The following SLF2 variants were observed in gnomAD, a reference collection of about 807,000 sequenced individuals.
SLF2 encodes the protein SMC5/6 complex localization factor 2, also known as SMC5-SMC6 complex localization factor protein 2.
SLF2 carries 68 observed loss-of-function variants against 124.3 expected under a neutral mutation model. That is an observed-to-expected ratio of 0.55 (90% CI 0.45 to 0.67). SLF2 has a LOEUF of 0.67. Ranked by LOEUF, SLF2 falls within the 30% of genes least tolerant of loss-of-function variation. The pLI, the probability that SLF2 is intolerant of heterozygous loss-of-function variation, is 0.00. For synonymous variants in SLF2, 480 were observed against 478.8 expected (o/e 1.00, Z -0.03); for missense variants, 1,246 against 1,373.7 (o/e 0.91, Z 1.47).
chr10:100,937,253 C>A lies in SLF2; in HGVS notation c.2437-149C>A, dbSNP rs576605151. ...CTCAAACTCCTAAGCTCAAGGTATCCGCCCGCCTTAGCCTCACAAAGTGCT... is the reference window on the plus strand; with the variant it reads ...CTCAAACTCCTAAGCTCAAGGTATCAGCCCGCCTTAGCCTCACAAAGTGCT... On this transcript the variant is annotated intron_variant, in intron 9 of 19. Coordinates refer to ENST00000238961, the MANE Select transcript of SLF2 (RefSeq NM_018121.4). The A allele has an allele frequency of 1.0e-5, 7 of 668,206 alleles. No homozygotes were observed. The African/African-American group carries it at 1.3e-4, about 12-fold the overall frequency. 41.4% of individuals were successfully genotyped at this position (668,206 alleles called of 1,614,324 possible).
At chr10:100,941,843 T>C (rs1201200650) in intron 11 of SLF2, among the ~76,000 whole-genome samples, 1 of 152,072 alleles carries the variant, frequency 6.6e-6, no homozygotes, top group Non-Finnish European at 1.5e-5. Flanking sequence ...CACGGAGAGG[T>C]TAAGTAACTT....
chr10:100,944,370 C>T (rs1296482024), intron 12 of SLF2, among the ~76,000 whole-genome samples: 1 of 151,632 alleles, frequency 6.6e-6, no homozygotes, highest in Non-Finnish European at 1.5e-5. Context: ...CAGCGGGTAC[C>T]TGTAGTCCCA....
intron 17 of SLF2, among the ~76,000 whole-genome samples, chr10:100,955,933 G>C (rs1481721556): frequency 6.6e-6 from 1 of 151,704 alleles, no homozygotes; most frequent in African/African-American, 2.4e-5. Flanking sequence ...ACTGGGCACG[G>C]TGGTGCATGC....
At position 100,913,831 on chromosome 10, in the gene SLF2, A is replaced by T. The variant is rs1347346266; in HGVS notation, c.140+581A>T. The T allele has an allele frequency of 5.1e-6, 5 of 985,496 alleles. No homozygotes were observed. In the East Asian group the frequency reaches 4.5e-4, roughly 89 times the overall value. The allele number at this position is 985,496 out of a possible 1,614,324, so 61.0% of individuals were successfully genotyped here. The stretch of plus-strand genomic sequence containing the variant: ...GATTTTGTGGGAGCTATGTAATGAG[A>T]TGGGGAGTTTCATCTAATGACATCC... On this transcript the variant is annotated intron_variant, in intron 1 of 19. Transcript: ENST00000238961.
rs71013477 is a variant in SLF2 at position 100,957,330 on chromosome 10, ATTTTTTTTTTTTTTTTTTT to A, written c.3417+812_3417+830del. ...AATATGTTAAAGGAAGGAGTCTTCA[ATTTTTTTTTTTTTTTTTTT>A]TTTTTTTTTTTTTTTTTTGAGATGG... On this transcript the variant is annotated intron_variant, in intron 18 of 19. Coordinates refer to ENST00000238961, the MANE Select transcript of SLF2 (RefSeq NM_018121.4). Among the ~76,000 whole-genome samples, 210 of 91,854 alleles carry A rather than the reference ATTTTTTTTTTTTTTTTTTT, an allele frequency of 2.3e-3. 16 individuals are homozygous for A. Among genetic ancestry groups the A allele is most frequent in the Admixed American group, 3.1e-3 (29 of 9,216 alleles). The allele number at this position is 91,854 out of a possible 152,430, so 60.3% of individuals were successfully genotyped here.
intron 15 of SLF2, among the ~76,000 whole-genome samples, chr10:100,948,280 C>A (rs545081000): frequency 6.6e-6 from 1 of 151,978 alleles, no homozygotes; most frequent in Non-Finnish European, 1.5e-5. Context: ...ATGTAGTTGC[C>A]CTCTAGTACT....
chr10:100,949,292 C>G (rs1850165620), intron 15 of SLF2, among the ~76,000 whole-genome samples: 1 of 152,200 alleles, frequency 6.6e-6, no homozygotes, highest in Non-Finnish European at 1.5e-5. Context: ...TTTCTCCTAA[C>G]TTTTGTTGTT....
chr10:100,954,650 GA>G (rs555072878), intron 17 of SLF2, among the ~76,000 whole-genome samples: 1 of 150,528 alleles, frequency 6.6e-6, no homozygotes, highest in Non-Finnish European at 1.5e-5. Context: ...TGTTCCTATA[GA>G]AAAAAAAATA....
chr10:100,923,637 G>A (rs1358638930), intron 4 of SLF2, among the ~76,000 whole-genome samples: 10 of 151,944 alleles, frequency 6.6e-5, no homozygotes, highest in Admixed American at 5.9e-4. Flanking sequence ...GTAGTCCTAG[G>A]TCTAAAAGAA....
chr10:100,932,958 T>C (rs553352787), intron 9 of SLF2, among the ~76,000 whole-genome samples: 1 of 152,160 alleles, frequency 6.6e-6, no homozygotes, highest in Non-Finnish European at 1.5e-5. Flanking sequence ...CGTGGACACA[T>C]GCTCCAGATA....
At position 100,924,761 on chromosome 10, in the gene SLF2, A is replaced by T. The variant is rs774938985; in HGVS notation, c.1760A>T (p.Asn587Ile). 13 of 1,614,176 alleles carry T rather than the reference A, an allele frequency of 8.1e-6. No individual in the cohort carries two copies. The East Asian group carries it at 2.9e-4, about 36-fold the overall frequency. The change falls in exon 5 of 20, where the codon AAT becomes ATT. Residue 587 changes from asparagine (N) to isoleucine (I), a missense_variant. Around this residue, in one of 3 missense-constraint regions of SLF2, gnomAD observed 698 missense variants for 708.9 expected, o/e 0.98. Coordinates refer to ENST00000238961, the MANE Select transcript of SLF2 (RefSeq NM_018121.4). ...PSEGESSGNSNAGSSALKRKL... is the reference protein window; with the variant it reads ...PSEGESSGNSIAGSSALKRKL... ...GAAGGAGAGAGTTCAGGAAATTCCA[A>T]TGCAGGTAGCAGTGCACTGAAAAGA... is the stretch of plus-strand genomic sequence containing the variant.
intron 13 of SLF2, among the ~76,000 whole-genome samples, chr10:100,946,336 T>C (rs1850102879): frequency 6.6e-6 from 1 of 151,080 alleles, no homozygotes; most frequent in Admixed American, 6.6e-5. Flanking sequence ...TTTTTTTTTT[T>C]TTTTTTTCTG....
Position 100,917,098 on chromosome 10 carries a change from T to C in SLF2, c.713T>C (p.Leu238Ser). 6.2e-7 allele frequency: 1 copy of C among 1,614,174 alleles called. No homozygotes were observed. The highest frequency in any genetic ancestry group is 8.5e-7 in the Non-Finnish European group (1 of 1,180,022). Reference sequence around the variant, plus strand: ...AGCCCACTGGGAGCTAAATTCCAGTTGTCACTAGCTTCTTACTGCAGAGAA... The same window carrying C: ...AGCCCACTGGGAGCTAAATTCCAGTCGTCACTAGCTTCTTACTGCAGAGAA... ...EESPLGAKFQ[L>S]SLASYCRERE... The change falls in exon 3 of 20, where the codon TTG (leucine) becomes TCG (serine). Residue 238 changes from leucine (L) to serine (S), a missense_variant. By Grantham distance (145) the Leu-to-Ser change is moderately radical (BLOSUM62 -2). Around this residue, in one of 3 missense-constraint regions of SLF2, gnomAD observed 698 missense variants for 708.9 expected, o/e 0.98. Transcript: ENST00000238961.
At chr10:100,938,778 G>A (rs780789095) in intron 11 of SLF2, 42 bp downstream of exon 11, 14 of 1,534,940 alleles carry the variant, frequency 9.1e-6, no homozygotes, top group South Asian at 5.0e-5. Context: ...ATATCATTTC[G>A]TACGACTTAT....
At position 100,924,470 on chromosome 10, in the gene SLF2, A is replaced by G; in HGVS notation, c.1469A>G (p.Asn490Ser). 1 of 1,614,170 alleles carries G rather than the reference A, an allele frequency of 6.2e-7. No individual in the cohort carries two copies. Among genetic ancestry groups the G allele is most frequent in the South Asian group, 1.1e-5 (1 of 91,088 alleles). Reference protein sequence around the residue: ...PSAGSSLVPLNAKNCALPVSK... With the variant: ...PSAGSSLVPLSAKNCALPVSK... ...GCTGGTTCCTCTCTAGTACCATTAA[A>G]TGCTAAAAATTGTGCTCTTCCAGTT... The change falls in exon 5 of 20, where the codon AAT (asparagine) becomes AGT (serine). Residue 490 changes from asparagine (N) to serine (S), a missense_variant. Physicochemically the swap from Asn to Ser is conservative, Grantham distance 46. This residue lies in a region of SLF2 where 698 missense variants were observed against 708.9 expected (regional missense o/e 0.98). Transcript: ENST00000238961.
chr10:100,943,415 A>G (rs1850017292), intron 11 of SLF2, among the ~76,000 whole-genome samples: 1 of 152,256 alleles, frequency 6.6e-6, no homozygotes, highest in African/African-American at 2.4e-5. Flanking sequence ...GCAGTTTATC[A>G]CAGCATACTG....
chr10:100,916,863 G>C lies in SLF2; in HGVS notation c.478G>C (p.Glu160Gln). 2 of 1,614,144 alleles carry C rather than the reference G, an allele frequency of 1.2e-6. No homozygotes were observed. The highest frequency in any genetic ancestry group is 1.7e-6 in the Non-Finnish European group (2 of 1,180,034). The change falls in exon 3 of 20, where the codon GAG becomes CAG. Residue 160 changes from glutamate to glutamine, a missense_variant. Glu to Gln is a conservative substitution (Grantham distance 29). Coordinates refer to ENST00000238961, the MANE Select transcript of SLF2 (RefSeq NM_018121.4). ...YVPSSYHLPK[E>Q]MKSLKKKHRS... ...TCCTTCTTCATATCACTTGCCAAAGGAGATGAAGTCACTAAAGAAAAAACA... is the reference window on the plus strand; with the variant it reads ...TCCTTCTTCATATCACTTGCCAAAGCAGATGAAGTCACTAAAGAAAAAACA...
intron 17 of SLF2, among the ~76,000 whole-genome samples, chr10:100,951,833 A>G (rs1850219179): frequency 2.0e-5 from 3 of 152,248 alleles, no homozygotes; most frequent in Admixed American, 6.5e-5. Context: ...TGCTTTGGAA[A>G]TGCATTTCTA....
chr10:100,945,689 A>T (rs1273370121), intron 13 of SLF2, among the ~76,000 whole-genome samples, 183 bp downstream of exon 13: 1 of 152,166 alleles, frequency 6.6e-6, no homozygotes, highest in Non-Finnish European at 1.5e-5. Context: ...TTTTTCTAAA[A>T]CTTCAACTCT....
Sources: gnomAD v4.1 joint callset for allele counts (sites outside exome capture counted in the v4.1 genomes callset) on GRCh38, gnomAD v4.1.1 for gene constraint, gnomAD v4.1.1 regional missense constraint, MANE v1.5 for transcripts, NCBI Gene and HGNC (gene_info 2026-07-23, HGNC 2026-07-21) for gene names.